The following EEA1 variants were observed in gnomAD, a reference collection of about 807,000 sequenced individuals.
The protein encoded by EEA1 is early endosome antigen 1, also known as early endosome antigen 1, 162kD.
Under a neutral mutation model 209.2 loss-of-function variants are expected in EEA1, and 111 were observed. The ratio of observed to expected loss-of-function variants is 0.53; its 90% CI spans 0.45 to 0.62. The LOEUF (loss-of-function observed/expected upper bound fraction) is 0.62. Among genes scored for constraint, EEA1 ranks in the 20% least tolerant of loss-of-function variants. EEA1 has a pLI of 0.00. For synonymous variants in EEA1, 536 were observed against 540.6 expected (o/e 0.99, Z 0.12); for missense variants, 1,343 against 1,530.8 (o/e 0.88, Z 2.05).
At chr12:92,803,026 G>A (rs1490637543) in intron 18 of EEA1, among the ~76,000 whole-genome samples, 1 of 151,682 alleles carries the variant, frequency 6.6e-6, no homozygotes, top group Admixed American at 6.6e-5. Context: ...CTAATCCCGA[G>A]GAAAAAAACT....
chr12:92,864,754 AATAATAC>A, intron 3 of EEA1, 99 bp downstream of exon 3: 1 of 1,112,842 alleles, frequency 9.0e-7, no homozygotes. Context: ...ATTTAAATTA[AATAATAC>A]AAAAAGGTTA....
chr12:92,900,010 G>C (rs910394594), intron 1 of EEA1, among the ~76,000 whole-genome samples: 7 of 152,132 alleles, frequency 4.6e-5, no homozygotes, highest in African/African-American at 1.7e-4. Context: ...GAACGTTCAA[G>C]TCTTTAGTGA....
At chr12:92,788,556 A>G (rs1369532257) in intron 21 of EEA1, among the ~76,000 whole-genome samples, 1 of 152,218 alleles carries the variant, frequency 6.6e-6, no homozygotes, top group Non-Finnish European at 1.5e-5. Flanking sequence ...CAAAGTTTTA[A>G]AGCTCCTCTA....
At chr12:92,789,077 G>T (rs1874267714) in intron 21 of EEA1, among the ~76,000 whole-genome samples, 1 of 151,934 alleles carries the variant, frequency 6.6e-6, no homozygotes, top group Non-Finnish European at 1.5e-5. Context: ...ATCACCTGAG[G>T]TCAGGAGTTC....
At chr12:92,872,407 A>G (rs1220055972) in intron 2 of EEA1, among the ~76,000 whole-genome samples, 1 of 152,180 alleles carries the variant, frequency 6.6e-6, no homozygotes, top group Non-Finnish European at 1.5e-5. Context: ...AATGTGTTCA[A>G]CAAAGAAGTT....
At chr12:92,886,964 A>C (rs941174110) in intron 2 of EEA1, among the ~76,000 whole-genome samples, 2 of 151,902 alleles carry the variant, frequency 1.3e-5, no homozygotes, top group African/African-American at 4.8e-5. Context: ...GCACCACTGC[A>C]CTCCAGCCTG....
intron 18 of EEA1, among the ~76,000 whole-genome samples, chr12:92,805,050 G>C (rs368809533): frequency 6.6e-6 from 1 of 152,114 alleles, no homozygotes; most frequent in African/African-American, 2.4e-5. Context: ...GAATGAAAAT[G>C]GGTCCACTTC....
chr12:92,906,829 T>A (rs889415900), intron 1 of EEA1, among the ~76,000 whole-genome samples: 11 of 151,972 alleles, frequency 7.2e-5, no homozygotes, highest in Admixed American at 2.0e-4. Flanking sequence ...AAAAAAAAAA[T>A]TAAATAAAAT....
chr12:92,922,904 G>A (rs1881058552), intron 1 of EEA1, among the ~76,000 whole-genome samples: 1 of 151,704 alleles, frequency 6.6e-6, no homozygotes, highest in African/African-American at 2.4e-5. Context: ...GTTGCAGTGA[G>A]CTGAGATTGC....
rs1243007542 is a variant in EEA1, at chr12:92,772,537, ATATT to A, written c.*3470_*3473del. 10 of 152,082 alleles carry A rather than the reference ATATT, an allele frequency of 6.6e-5. No homozygotes were observed. Among genetic ancestry groups the A allele is most frequent in the African/African-American group, 2.4e-4 (10 of 41,418 alleles). 9.4% of individuals were successfully genotyped at this position (152,082 alleles called of 1,614,324 possible). On this transcript the variant is annotated 3_prime_UTR_variant, in exon 29 of 29. Coordinates refer to ENST00000322349, the MANE Select transcript of EEA1 (RefSeq NM_003566.4). ...TTTAGAAAGAAATGTTTTTAATATA[ATATT>A]TAAACATATTAAAAAAAAGCAACAA...
At chr12:92,910,448 G>A (rs140171768) in intron 1 of EEA1, among the ~76,000 whole-genome samples, 9,944 of 150,008 alleles carry the variant, frequency 0.066, 384 homozygotes, top group Middle Eastern at 0.086. Flanking sequence ...CAGCCTGGGC[G>A]ACAGAGCAAG....
intron 25 of EEA1, among the ~76,000 whole-genome samples, chr12:92,778,464 A>G (rs1488502539): frequency 6.6e-6 from 1 of 152,062 alleles, no homozygotes; most frequent in Non-Finnish European, 1.5e-5. Flanking sequence ...GGAAAGACAC[A>G]TATGGTTAGG....
At chr12:92,834,062 T>G (rs907571909) in intron 10 of EEA1, among the ~76,000 whole-genome samples, 1 of 152,024 alleles carries the variant, frequency 6.6e-6, no homozygotes, top group African/African-American at 2.4e-5. Flanking sequence ...GCAAACAAGT[T>G]TCAGGTGGGG....
At chr12:92,843,118 G>A (rs1219142376) in intron 9 of EEA1, among the ~76,000 whole-genome samples, 3 of 152,142 alleles carry the variant, frequency 2.0e-5, no homozygotes, top group Admixed American at 6.5e-5. Flanking sequence ...TATATGGTCA[G>A]GTATAACCGT....
chr12:92,827,832 T>C lies in EEA1; in HGVS notation c.1404+80A>G, dbSNP rs139657360. 3.2e-4 allele frequency: 442 copies of C among 1,365,682 alleles called. 3 individuals are homozygous for C. The East Asian group carries it at 0.011, about 35-fold the overall frequency. 84.6% of individuals were successfully genotyped at this position (1,365,682 alleles called of 1,614,324 possible). ...CACTTTAAAAAGTCCAATTAAAGCTTTGACAATTAACAGATTGATGAATCA... is the reference window on the plus strand; with the variant it reads ...CACTTTAAAAAGTCCAATTAAAGCTCTGACAATTAACAGATTGATGAATCA... On this transcript the variant is annotated intron_variant, in intron 12 of 28. Coordinates refer to ENST00000322349, the MANE Select transcript of EEA1 (RefSeq NM_003566.4).
intron 14 of EEA1, 102 bp downstream of exon 14, chr12:92,819,206 G>T: frequency 1.9e-6 from 2 of 1,063,738 alleles, no homozygotes; most frequent in Non-Finnish European, 2.6e-6. Context: ...CTTAAAATGT[G>T]CTAAAAAGAG....
At chr12:92,887,154 T>A (rs1459375596) in intron 2 of EEA1, among the ~76,000 whole-genome samples, 1 of 152,096 alleles carries the variant, frequency 6.6e-6, no homozygotes, top group Non-Finnish European at 1.5e-5. Context: ...GATAATTCAT[T>A]TTTTAATCCA....
At chr12:92,928,353 G>A (rs1881289294) in intron 1 of EEA1, among the ~76,000 whole-genome samples, 1 of 152,192 alleles carries the variant, frequency 6.6e-6, no homozygotes, top group Non-Finnish European at 1.5e-5. Flanking sequence ...TATACCACTT[G>A]ATCAAGCTTA....
Position 92,892,245 on chromosome 12 carries a change from C to T in EEA1, c.25-524G>A, listed in dbSNP as rs1036674645. Among the ~76,000 whole-genome samples, 3 of 152,110 alleles carry T rather than the reference C, an allele frequency of 2.0e-5. No individual in the cohort carries two copies. In the South Asian group the frequency reaches 6.2e-4, roughly 32 times the overall value. On this transcript the variant is annotated intron_variant, in intron 1 of 28. Coordinates refer to ENST00000322349, the MANE Select transcript of EEA1 (RefSeq NM_003566.4). The stretch of plus-strand genomic sequence containing the variant: ...AGCTGGGACCACAGGTGCACACCAC[C>T]ACACCCAGCTAATTTGTTGTATTTT...
Sources: gnomAD v4.1 joint callset for allele counts (sites outside exome capture counted in the v4.1 genomes callset) on GRCh38, gnomAD v4.1.1 for gene constraint, MANE v1.5 for transcripts, NCBI Gene and HGNC (gene_info 2026-07-23, HGNC 2026-07-21) for gene names.